GRID1: variants seen among roughly 807,000 people sequenced by gnomAD.
The protein encoded by GRID1 is glutamate ionotropic receptor delta type subunit 1.
Under a neutral mutation model 98.0 loss-of-function variants are expected in GRID1, and 28 were observed. The ratio of observed to expected loss-of-function variants is 0.29; its 90% confidence interval spans 0.21 to 0.39. The LOEUF (loss-of-function observed/expected upper bound fraction) is 0.39. GRID1 is among the 10% of genes least tolerant of loss of function. The pLI, the probability that GRID1 is intolerant of heterozygous loss-of-function variation, is 1.00. For synonymous variants in GRID1, 553 were observed against 538.5 expected, an observed-to-expected ratio of 1.03 and a Z score of -0.37; for missense variants, 1,111 against 1,340.5, an observed-to-expected ratio of 0.83 and a Z score of 2.67.
At chr10:85,702,394 A>G (rs1221258804) in intron 12 of GRID1, among the ~76,000 whole-genome samples, 2 of 152,308 alleles carry the variant, frequency 1.3e-5, no homozygotes, top group East Asian at 1.9e-4. Flanking sequence ...GGAAAAGGAA[A>G]TGAATTGAAA....
chr10:85,659,975 A>G (rs1333331523), intron 12 of GRID1, among the ~76,000 whole-genome samples: 1 of 152,222 alleles, frequency 6.6e-6, no homozygotes, highest in Non-Finnish European at 1.5e-5. Flanking sequence ...TGCCTGAGCT[A>G]TCTTCCCAAA....
intron 4 of GRID1, chr10:86,052,396 T>C (rs1292355345): frequency 6.6e-6 from 1 of 152,118 alleles, no homozygotes; most frequent in Non-Finnish European, 1.5e-5. Flanking sequence ...TTTTTGAAAC[T>C]TTTCAAAAAT....
chr10:86,181,888 C>A (rs777559780), intron 3 of GRID1, among the ~76,000 whole-genome samples: 8 of 152,132 alleles, frequency 5.3e-5, no homozygotes, highest in Non-Finnish European at 8.8e-5. Flanking sequence ...GGAACGTTGA[C>A]CCCCTCATTC....
intron 3 of GRID1, among the ~76,000 whole-genome samples, chr10:86,178,293 G>A (rs1457392768): frequency 6.6e-6 from 1 of 152,046 alleles, no homozygotes; most frequent in Non-Finnish European, 1.5e-5. Flanking sequence ...TATCCATCGT[G>A]CCCTTCTTTT....
At chr10:85,842,257 G>T (rs1842967597) in intron 8 of GRID1, among the ~76,000 whole-genome samples, 1 of 151,990 alleles carries the variant, frequency 6.6e-6, no homozygotes, top group Non-Finnish European at 1.5e-5. Flanking sequence ...CTTATAAGTG[G>T]CAGTCAAATG....
chr10:86,118,556 G>A (rs1272150995), intron 4 of GRID1, among the ~76,000 whole-genome samples: 1 of 152,208 alleles, frequency 6.6e-6, no homozygotes, highest in African/African-American at 2.4e-5. Context: ...AACAACGGAT[G>A]TAGATACTCC....
At chr10:85,782,472 T>C (rs1485353025) in intron 8 of GRID1, among the ~76,000 whole-genome samples, 1 of 152,112 alleles carries the variant, frequency 6.6e-6, no homozygotes, top group African/African-American at 2.4e-5. Context: ...CAAGTAAAAA[T>C]CACTGCTGTC....
intron 8 of GRID1, among the ~76,000 whole-genome samples, chr10:85,799,134 T>C (rs1055668073): frequency 6.6e-6 from 1 of 152,174 alleles, no homozygotes; most frequent in Non-Finnish European, 1.5e-5. Context: ...GGCACCTTTA[T>C]GAAAACCAGT....
At chr10:86,358,411 TA>T (rs556209156) in intron 2 of GRID1, among the ~76,000 whole-genome samples, 7 of 152,092 alleles carry the variant, frequency 4.6e-5, no homozygotes, top group Non-Finnish European at 1.0e-4. Context: ...GTGAATATGT[TA>T]GGCTACATGG....
chr10:85,682,389 T>C (rs918897691), intron 12 of GRID1, among the ~76,000 whole-genome samples: 6 of 152,194 alleles, frequency 3.9e-5, no homozygotes, highest in Admixed American at 1.3e-4. Context: ...TAGTAGACCA[T>C]AGACCTGGTC....
intron 4 of GRID1, among the ~76,000 whole-genome samples, chr10:86,004,873 C>T (rs1842842700): frequency 6.6e-6 from 1 of 152,126 alleles, no homozygotes; most frequent in African/African-American, 2.4e-5. Flanking sequence ...TTCCTACTTT[C>T]TCCTTTCTGG....
intron 8 of GRID1, among the ~76,000 whole-genome samples, chr10:85,793,334 G>A (rs372503045): frequency 6.6e-6 from 1 of 152,122 alleles, no homozygotes; most frequent in East Asian, 1.9e-4. Context: ...TGTGCTCTCC[G>A]CAATCAAGCT....
intron 4 of GRID1, among the ~76,000 whole-genome samples, chr10:85,920,922 A>G (rs1487350090): frequency 6.6e-6 from 1 of 152,210 alleles, no homozygotes; most frequent in Non-Finnish European, 1.5e-5. Flanking sequence ...AATAAGCCCA[A>G]AGGAATTGCT....
At chr10:85,625,522 A>G (rs1026784057) in intron 13 of GRID1, among the ~76,000 whole-genome samples, 1 of 152,250 alleles carries the variant, frequency 6.6e-6, no homozygotes, top group Non-Finnish European at 1.5e-5. Flanking sequence ...AGGAGGAAGA[A>G]TATCTTGGCA....
At position 85,854,751 on chromosome 10, in the gene GRID1, G is replaced by A. The variant is rs1428292861; in HGVS notation, c.1114-136C>T. ...GAGACCATGGACAGGCTGTAATGAG[G>A]ACAAGATGGGCTAGTGGTCCTAGGC... On this transcript the variant is annotated intron_variant, in intron 7 of 15. Coordinates refer to ENST00000327946, the MANE Select transcript of GRID1 (RefSeq NM_017551.3). The A allele has an allele frequency of 1.0e-5, 8 of 767,478 alleles. No individual in the cohort carries two copies. In the East Asian group the frequency reaches 2.1e-4, roughly 20 times the overall value. The allele number at this position is 767,478 out of a possible 1,614,324, so 47.5% of individuals were successfully genotyped here.
At chr10:85,637,834 G>A (rs1338581673) in intron 13 of GRID1, among the ~76,000 whole-genome samples, 2 of 152,048 alleles carry the variant, frequency 1.3e-5, no homozygotes, top group South Asian at 2.1e-4. Flanking sequence ...ATGTATCCCC[G>A]CTCTGGGCAT....
intron 3 of GRID1, among the ~76,000 whole-genome samples, chr10:86,194,485 T>C (rs558519836): frequency 1.3e-5 from 2 of 152,252 alleles, no homozygotes; most frequent in Middle Eastern, 6.8e-3. Flanking sequence ...ACATGTGGCA[T>C]GTCCAGGCAA....
intron 4 of GRID1, among the ~76,000 whole-genome samples, chr10:85,987,291 C>A (rs1245342868): frequency 6.6e-6 from 1 of 151,918 alleles, no homozygotes; most frequent in African/African-American, 2.4e-5. Context: ...AGAGGCCTTA[C>A]CTCCCCTCCC....
intron 10 of GRID1, 37 bp from the exon 11 acceptor site, chr10:85,724,713 T>C (rs1281222602): frequency 2.6e-6 from 4 of 1,545,016 alleles, no homozygotes; most frequent in Non-Finnish European, 2.6e-6. Flanking sequence ...ACGGCAGTCC[T>C]CAGCTTACTG....
Sources: allele counts gnomAD v4.1 joint callset (sites outside exome capture counted in the v4.1 genomes callset), GRCh38; gene constraint gnomAD v4.1.1; transcripts MANE v1.5; gene names NCBI Gene and HGNC (gene_info 2026-07-23, HGNC 2026-07-21).